Variants in SETBP1 observed in about 807,000 individuals in gnomAD.
SETBP1 encodes SET-binding protein.
In SETBP1, 9 loss-of-function variants were observed where a neutral mutation model predicts 101.0. The observed-to-expected ratio is 0.09, with a 90% CI of 0.05 to 0.16. SETBP1 has a LOEUF of 0.16. Ranked by LOEUF, SETBP1 falls within the 10% of genes least tolerant of loss-of-function variation. The pLI, the probability that SETBP1 is intolerant of heterozygous loss-of-function variation, is 1.00. For synonymous variants in SETBP1, 818 were observed against 788.5 expected (o/e 1.04, Z -0.63); for missense variants, 1,858 against 2,033.8 (o/e 0.91, Z 1.66).
At chr18:44,680,238 C>T (rs1251154357), upstream of SETBP1, 1 of 146,254 alleles carries the variant, frequency 6.8e-6, no homozygotes, top group East Asian at 2.0e-4. Flanking sequence ...GGCCCCGGCG[C>T]CCCCCGAGCT....
chr18:44,728,296 G>T (rs1599040851), intron 2 of SETBP1, among the ~76,000 whole-genome samples: 1 of 152,126 alleles, frequency 6.6e-6, no homozygotes, highest in Admixed American at 6.6e-5. Context: ...GAGACTGGTG[G>T]TTCTCAGAGC....
chr18:44,921,684 C>T (rs1277748139), intron 3 of SETBP1, among the ~76,000 whole-genome samples: 1 of 152,132 alleles, frequency 6.6e-6, no homozygotes, highest in Non-Finnish European at 1.5e-5. Context: ...AAAAGATTTA[C>T]AGTCCAGGAG....
intron 2 of SETBP1, among the ~76,000 whole-genome samples, chr18:44,851,157 A>G (rs2072852340): frequency 6.6e-6 from 1 of 152,176 alleles, no homozygotes; most frequent in African/African-American, 2.4e-5. Context: ...TAAAGGAATT[A>G]TTTACCCTTC....
chr18:44,933,193 T>C (rs1409626696), intron 3 of SETBP1, among the ~76,000 whole-genome samples: 1 of 152,222 alleles, frequency 6.6e-6, no homozygotes, highest in Non-Finnish European at 1.5e-5. Context: ...CAGCTGCAGG[T>C]CTGTTGGAGT....
chr18:44,840,241 T>C (rs757956642), intron 2 of SETBP1, among the ~76,000 whole-genome samples: 8 of 152,180 alleles, frequency 5.3e-5, no homozygotes, highest in Non-Finnish European at 1.0e-4. Flanking sequence ...GGACCCTGAG[T>C]TGGAGACATG....
chr18:44,693,812 G>T (rs1222134055), intron 1 of SETBP1, among the ~76,000 whole-genome samples: 1 of 152,186 alleles, frequency 6.6e-6, no homozygotes, highest in African/African-American at 2.4e-5. Flanking sequence ...AACCAGAAAA[G>T]CAGGCAGTCA....
chr18:44,934,110 A>G (rs1770001185), intron 3 of SETBP1, among the ~76,000 whole-genome samples: 1 of 151,198 alleles, frequency 6.6e-6, no homozygotes, highest in South Asian at 2.1e-4. Context: ...TTTAATTCTT[A>G]ACACAACCCC....
At chr18:45,061,458 G>C (rs2073889548) in intron 5 of SETBP1, among the ~76,000 whole-genome samples, 1 of 152,068 alleles carries the variant, frequency 6.6e-6, no homozygotes, top group Admixed American at 6.6e-5. Flanking sequence ...AGCTCACTCT[G>C]GCTTTGTTCT....
chr18:44,993,353 G>C (rs2072421092), intron 4 of SETBP1, among the ~76,000 whole-genome samples: 1 of 151,878 alleles, frequency 6.6e-6, no homozygotes, highest in South Asian at 2.1e-4. Context: ...GTTTGGAAAA[G>C]TAAAAATAAA....
At chr18:44,805,809 G>A (rs2071720030) in intron 2 of SETBP1, among the ~76,000 whole-genome samples, 1 of 152,108 alleles carries the variant, frequency 6.6e-6, no homozygotes, top group African/African-American at 2.4e-5. Flanking sequence ...AAGAGAGCTT[G>A]GCTGGCACAA....
intron 3 of SETBP1, among the ~76,000 whole-genome samples, chr18:44,872,736 AC>A (rs1032703172): frequency 6.6e-6 from 1 of 152,268 alleles, no homozygotes; most frequent in African/African-American, 2.4e-5. Context: ...GGTGATGCCC[AC>A]GTGCTTGTGC....
chr18:44,913,796 G>A (rs1203873707), intron 3 of SETBP1, among the ~76,000 whole-genome samples: 3 of 152,240 alleles, frequency 2.0e-5, no homozygotes, highest in Non-Finnish European at 4.4e-5. Flanking sequence ...ATGGCCCACA[G>A]TGACTATAGC....
At chr18:44,993,578 A>G (rs1464470139) in intron 4 of SETBP1, among the ~76,000 whole-genome samples, 1 of 152,056 alleles carries the variant, frequency 6.6e-6, no homozygotes, top group Non-Finnish European at 1.5e-5. Flanking sequence ...AAATACATAT[A>G]GGATTTCATT....
At chr18:45,038,692 C>A in intron 5 of SETBP1, 37 bp downstream of exon 5, 2 of 1,610,052 alleles carry the variant, frequency 1.2e-6, no homozygotes, top group Non-Finnish European at 1.7e-6. Flanking sequence ...TCACCCCAAG[C>A]AAGATGAATG....
chr18:44,925,332 G>T (rs531668984), intron 3 of SETBP1, among the ~76,000 whole-genome samples: 2 of 152,192 alleles, frequency 1.3e-5, no homozygotes, highest in Admixed American at 6.5e-5. Flanking sequence ...GAGAGGACAG[G>T]CTGTAGCCTG....
At chr18:44,864,946 G>C (rs2144656460) in intron 2 of SETBP1, among the ~76,000 whole-genome samples, 1 of 152,128 alleles carries the variant, frequency 6.6e-6, no homozygotes, top group African/African-American at 2.4e-5. Context: ...CAGTAGAGAA[G>C]GGTCTAGGAT....
At chr18:44,791,923 C>T (rs765883498) in intron 2 of SETBP1, among the ~76,000 whole-genome samples, 4 of 152,124 alleles carry the variant, frequency 2.6e-5, no homozygotes, top group Non-Finnish European at 5.9e-5. Context: ...TTCATGACCT[C>T]CTACTCAACT....
chr18:44,805,426 GT>G (rs2071708992), intron 2 of SETBP1, among the ~76,000 whole-genome samples: 11 of 151,900 alleles, frequency 7.2e-5, no homozygotes, highest in Admixed American at 5.2e-4. Flanking sequence ...GTGTGTGTGT[GT>G]GTGTGTGGGT....
intron 4 of SETBP1, among the ~76,000 whole-genome samples, chr18:44,974,643 A>G (rs2071946067): frequency 6.6e-6 from 1 of 152,210 alleles, no homozygotes; most frequent in Non-Finnish European, 1.5e-5. Context: ...GCCTGGTAAC[A>G]CAAAACCCAA....
Sources: gnomAD v4.1 joint callset for allele counts (sites outside exome capture counted in the v4.1 genomes callset) on GRCh38, gnomAD v4.1.1 for gene constraint, MANE v1.5 for transcripts, NCBI Gene and HGNC (gene_info 2026-07-23, HGNC 2026-07-21) for gene names.